Variants in AFF3 observed in about 807,000 individuals in gnomAD.
AFF3 encodes AF4/FMR2 family member 3.
A neutral mutation model predicts 129.7 loss-of-function variants in AFF3; 32 were observed. The ratio of observed to expected loss-of-function variants is 0.25; its 90% CI spans 0.19 to 0.33. AFF3 has a LOEUF of 0.33. Ranked by LOEUF, AFF3 falls within the 10% of genes least tolerant of loss-of-function variation. The pLI is 1.00. For synonymous variants in AFF3, 644 were observed against 635.4 expected, an observed-to-expected ratio of 1.01 and a Z score of -0.20; for missense variants, 1,373 against 1,592.0, an observed-to-expected ratio of 0.86 and a Z score of 2.34.
intron 7 of AFF3, among the ~76,000 whole-genome samples, chr2:99,846,283 C>T (rs756275550): frequency 3.9e-5 from 6 of 152,140 alleles, no homozygotes; most frequent in Non-Finnish European, 8.8e-5. Flanking sequence ...GCACCCACCA[C>T]CATGCCTGGT....
At chr2:99,902,620 A>G (rs912127022) in intron 7 of AFF3, among the ~76,000 whole-genome samples, 1 of 152,306 alleles carries the variant, frequency 6.6e-6, no homozygotes, top group African/African-American at 2.4e-5. Flanking sequence ...AGCAAATTCT[A>G]TGGTAACTGT....
intron 4 of AFF3, among the ~76,000 whole-genome samples, chr2:100,042,113 C>A (rs1337134266): frequency 6.6e-6 from 1 of 152,184 alleles, no homozygotes; most frequent in Non-Finnish European, 1.5e-5. Context: ...CCCTGCCACA[C>A]TGGCCTTCTT....
intron 8 of AFF3, among the ~76,000 whole-genome samples, chr2:99,754,309 T>G (rs72817081): frequency 6.6e-6 from 1 of 152,370 alleles, no homozygotes; most frequent in Non-Finnish European, 1.5e-5. Flanking sequence ...ATCCCACTGC[T>G]AATCAGCCAC....
chr2:99,725,483 C>A (rs1679293261), intron 11 of AFF3, among the ~76,000 whole-genome samples: 1 of 152,100 alleles, frequency 6.6e-6, no homozygotes, highest in East Asian at 1.9e-4. Context: ...GTGTCTGCCA[C>A]CACACCCAGC....
intron 8 of AFF3, among the ~76,000 whole-genome samples, chr2:99,761,563 G>A (rs2030690): frequency 0.7 from 106,156 of 152,074 alleles, 37,846 homozygotes; most frequent in East Asian, 0.91. Flanking sequence ...CCCACCTCAC[G>A]TAGCAGCTCT....
intron 2 of AFF3, among the ~76,000 whole-genome samples, chr2:100,128,840 A>G (rs1213264708): frequency 6.6e-6 from 1 of 152,184 alleles, no homozygotes; most frequent in Non-Finnish European, 1.5e-5. Flanking sequence ...GTGTGCTGGG[A>G]AGGGAGAGGA....
chr2:99,587,034 A>G, intron 16 of AFF3, 120 bp downstream of exon 16: 1 of 1,362,666 alleles, frequency 7.3e-7, no homozygotes, highest in Non-Finnish European at 1.0e-6. Context: ...GAGGGAAGCA[A>G]GTCTGCAGAC....
At chr2:99,915,677 C>T (rs982599363) in intron 7 of AFF3, among the ~76,000 whole-genome samples, 3 of 152,054 alleles carry the variant, frequency 2.0e-5, no homozygotes, top group Non-Finnish European at 4.4e-5. Context: ...TTGCACTGGG[C>T]CCCATGAATT....
intron 4 of AFF3, among the ~76,000 whole-genome samples, chr2:100,059,294 T>C (rs1573293441): frequency 8.9e-6 from 1 of 112,110 alleles, no homozygotes; most frequent in East Asian, 2.6e-4. Flanking sequence ...TGGATCTCAA[T>C]AGACATTTCT....
chr2:99,732,990 T>C (rs1679954203), intron 10 of AFF3, among the ~76,000 whole-genome samples: 1 of 152,214 alleles, frequency 6.6e-6, no homozygotes, highest in South Asian at 2.1e-4. Context: ...AAAATTATTT[T>C]TTAGTATTAA....
chr2:99,877,907 T>C (rs1692418934), intron 7 of AFF3, among the ~76,000 whole-genome samples: 1 of 152,090 alleles, frequency 6.6e-6, no homozygotes. Context: ...GAGAGAGTAG[T>C]AAGAAGTACT....
intron 8 of AFF3, among the ~76,000 whole-genome samples, chr2:99,831,970 A>T (rs1688544165): frequency 6.6e-6 from 1 of 152,204 alleles, no homozygotes; most frequent in Non-Finnish European, 1.5e-5. Flanking sequence ...CCACCCGCTC[A>T]GTGCCTTCTG....
chr2:99,744,628 G>A (rs981019878), intron 9 of AFF3, among the ~76,000 whole-genome samples: 61 of 152,054 alleles, frequency 4.0e-4, no homozygotes, highest in African/African-American at 1.4e-3. Flanking sequence ...CATATAAATG[G>A]AATCATACAA....
chr2:99,848,439 T>C (rs964894516), intron 7 of AFF3, among the ~76,000 whole-genome samples: 1 of 152,144 alleles, frequency 6.6e-6, no homozygotes, highest in Non-Finnish European at 1.5e-5. Context: ...AAGAAAACCA[T>C]GTGCTTAGGC....
chr2:99,852,164 A>G (rs1690194719), intron 7 of AFF3, among the ~76,000 whole-genome samples: 1 of 152,134 alleles, frequency 6.6e-6, no homozygotes, highest in Non-Finnish European at 1.5e-5. Flanking sequence ...ATTTTTCATG[A>G]TCATGTGCCT....
chr2:99,666,216 A>T (rs929771941), intron 12 of AFF3, among the ~76,000 whole-genome samples: 2 of 152,200 alleles, frequency 1.3e-5, no homozygotes, highest in African/African-American at 4.8e-5. Flanking sequence ...ACACGGTGAA[A>T]TTCAGGTTGT....
intron 7 of AFF3, among the ~76,000 whole-genome samples, chr2:99,951,520 A>G (rs1295458582): frequency 6.6e-6 from 1 of 152,222 alleles, no homozygotes; most frequent in East Asian, 1.9e-4. Context: ...CAACAATCTT[A>G]TTAGTGAAGG....
intron 8 of AFF3, among the ~76,000 whole-genome samples, chr2:99,781,429 C>T (rs780626469): frequency 1.3e-5 from 2 of 152,204 alleles, no homozygotes; most frequent in African/African-American, 2.4e-5. Context: ...GAATAGGAAA[C>T]CTTCTCTGTT....
chr2:100,060,863 TC>T (rs548185049), intron 4 of AFF3, among the ~76,000 whole-genome samples: 130 of 152,286 alleles, frequency 8.5e-4, no homozygotes, highest in Non-Finnish European at 1.7e-3. Context: ...TGTCCCAAGA[TC>T]CCATCCCACT....
Sources: gnomAD v4.1 joint callset for allele counts (sites outside exome capture counted in the v4.1 genomes callset) on GRCh38, gnomAD v4.1.1 for gene constraint, MANE v1.5 for transcripts, NCBI Gene and HGNC (gene_info 2026-07-23, HGNC 2026-07-21) for gene names.